The following PUM3 variants were observed in gnomAD, a reference collection of about 807,000 sequenced individuals.
PUM3 encodes the protein pumilio RNA binding family member 3.
In PUM3, 91 loss-of-function variants were observed where a neutral mutation model predicts 84.0. The ratio of observed to expected loss-of-function variants is 1.08; its 90% CI spans 0.91 to 1.29. The LOEUF (loss-of-function observed/expected upper bound fraction) is 1.29, where lower values mean the gene tolerates loss of function less well. Among genes scored for constraint, PUM3 ranks in the 50% most tolerant of loss-of-function variants. The probability of loss-of-function intolerance (pLI) is 0.00; values close to 1 mark genes in which losing one functional copy is unlikely to be tolerated. For synonymous variants in PUM3, 321 were observed against 266.7 expected (o/e 1.20, Z -1.98); for missense variants, 1,067 against 767.5 (o/e 1.39, Z -4.61).
intron 16 of PUM3, 83 bp from the exon 17 acceptor site, chr9:2,807,987 C>G: frequency 1.2e-6 from 1 of 826,154 alleles, no homozygotes; most frequent in East Asian, 2.7e-5. Context: ...CTTAAATCTG[C>G]AAATATTTTT....
At chr9:2,842,994 TC>T (rs1816308790) in intron 1 of PUM3, among the ~76,000 whole-genome samples, 1 of 152,164 alleles carries the variant, frequency 6.6e-6, no homozygotes, top group Non-Finnish European at 1.5e-5. Flanking sequence ...CTCTTAAATG[TC>T]CCTTACGTCA....
chr9:2,838,274 T>C (rs1169409679), intron 2 of PUM3, 152 bp downstream of exon 2: 5 of 606,016 alleles, frequency 8.3e-6, no homozygotes, highest in Admixed American at 5.3e-5. Flanking sequence ...CTAAATGTCA[T>C]GAGCAACATG....
chr9:2,829,669 C>G, intron 8 of PUM3, 105 bp downstream of exon 8: 1 of 963,882 alleles, frequency 1.0e-6, no homozygotes, highest in Non-Finnish European at 1.5e-6. Flanking sequence ...TCTTAAAGAA[C>G]CAGCCACAGT....
chr9:2,823,876 A>G, intron 11 of PUM3, 42 bp from the exon 12 acceptor site: 1 of 1,040,436 alleles, frequency 9.6e-7, no homozygotes, highest in African/African-American at 1.6e-5. Context: ...TCAGTTATGT[A>G]TTAAGGGTAT....
At chr9:2,839,415 G>A in intron 1 of PUM3, among the ~76,000 whole-genome samples, 1 of 152,216 alleles carries the variant, frequency 6.6e-6, no homozygotes. Flanking sequence ...TAAGAGAAAA[G>A]AAGGGTTCTG....
At chr9:2,831,873 C>T (rs996213768) in intron 5 of PUM3, among the ~76,000 whole-genome samples, 1 of 152,184 alleles carries the variant, frequency 6.6e-6, no homozygotes, top group Non-Finnish European at 1.5e-5. Context: ...CCATTTGTCA[C>T]ATTTTCATTA....
intron 10 of PUM3, among the ~76,000 whole-genome samples, chr9:2,826,611 G>C (rs1279818169): frequency 6.6e-6 from 1 of 152,122 alleles, no homozygotes; most frequent in Non-Finnish European, 1.5e-5. Flanking sequence ...CTGACTTGAA[G>C]GGCAGTGCAA....
At chr9:2,814,525 T>C (rs1174578897) in intron 13 of PUM3, among the ~76,000 whole-genome samples, 2 of 152,196 alleles carry the variant, frequency 1.3e-5, no homozygotes, top group East Asian at 3.9e-4. Context: ...TATGTGTTGC[T>C]GATAATGAAG....
rs116375714 is a variant in PUM3 at position 2,812,859 on chromosome 9, G to C, written c.1270-497C>G. 5.9e-3 allele frequency among the ~76,000 whole-genome samples: 899 copies of C among 152,302 alleles called. 12 individuals carry two copies. Among genetic ancestry groups the C allele is most frequent in the African/African-American group, 0.021 (853 of 41,564 alleles). On this transcript the variant is annotated intron_variant, in intron 13 of 17. Transcript: ENST00000397885. Reference sequence around the variant, plus strand: ...GCCACTATTACTAGGGACATCACTTGCTGAGGTCACTGAGTAGAGGCAGTT... The same window carrying C: ...GCCACTATTACTAGGGACATCACTTCCTGAGGTCACTGAGTAGAGGCAGTT...
chr9:2,837,344 T>A lies in PUM3; in HGVS notation c.140A>T (p.Lys47Ile), dbSNP rs561872127. Residue 47 changes from lysine to isoleucine, a missense_variant, in exon 3 of 18, where the codon AAA (lysine) becomes ATA (isoleucine). Physicochemically the swap from Lys to Ile is moderately radical, Grantham distance 102. Transcript: ENST00000397885. ...TTTCTCAAAGTTCCTAGATGTGACT[T>A]TAGGTCCACCTTCTTTAGCAACTTT... Reference protein sequence around the residue: ...TRKVAKEGGPKVTSRNFEKSI... With the variant: ...TRKVAKEGGPIVTSRNFEKSI... 3.1e-6 allele frequency: 5 copies of A among 1,614,086 alleles called. No individual in the cohort carries two copies. The highest frequency in any genetic ancestry group is 2.2e-5 in the South Asian group (2 of 91,080).
At chr9:2,828,233 G>C (rs1167459433) in intron 9 of PUM3, among the ~76,000 whole-genome samples, 1 of 152,050 alleles carries the variant, frequency 6.6e-6, no homozygotes, top group Non-Finnish European at 1.5e-5. Context: ...CGTAGAGATG[G>C]GGTCTTGCTA....
chr9:2,834,136 T>C lies in PUM3; in HGVS notation c.335A>G (p.Asp112Gly). ...CAGTTCTTTCTTCTTCTTTTTGAAG[T>C]CATCCCATTTGGGCTTCTTGGCTGC... is the stretch of plus-strand genomic sequence containing the variant. ...ESAAKKPKWD[D>G]FKKKKKELKQ... The change falls in exon 4 of 18, where the codon GAC becomes GGC. Residue 112 changes from aspartate (D) to glycine (G), a missense_variant. Physicochemically the swap from Asp to Gly is moderately conservative, Grantham distance 94. Transcript: ENST00000397885. The C allele has an allele frequency of 6.2e-7, 1 of 1,613,462 alleles. No homozygotes were observed. Among genetic ancestry groups the C allele is most frequent in the Non-Finnish European group, 8.5e-7 (1 of 1,179,664 alleles).
intron 13 of PUM3, among the ~76,000 whole-genome samples, chr9:2,815,031 A>T (rs1821444121): frequency 6.6e-6 from 1 of 152,228 alleles, no homozygotes; most frequent in South Asian, 2.1e-4. Flanking sequence ...CTGGGACTTC[A>T]TGATATGCAT....
Position 2,833,444 on chromosome 9 carries a change from G to A in PUM3, c.441-12C>T. 6.9e-7 allele frequency: 1 copy of A among 1,450,944 alleles called. No individual in the cohort carries two copies. Among genetic ancestry groups the A allele is most frequent in the South Asian group, 1.2e-5 (1 of 85,148 alleles). The allele number at this position is 1,450,944 out of a possible 1,614,324, so 89.9% of individuals were successfully genotyped here. A position where few individuals can be genotyped will look rare whatever the true frequency, so the allele number is the denominator to read the frequency against. ...TGTCACAGTCTTTTCTACAAATGAG[G>A]AGAGGAAGGAAACACAGTTGAAATA... is the stretch of plus-strand genomic sequence containing the variant. On this transcript the variant is annotated splice_polypyrimidine_tract_variant and intron_variant, in intron 4 of 17. Transcript: ENST00000397885.
chr9:2,839,806 A>AGTTTTCTCTGAATCCATACAG (rs1816222048), intron 1 of PUM3, among the ~76,000 whole-genome samples: 1 of 152,216 alleles, frequency 6.6e-6, no homozygotes, highest in Non-Finnish European at 1.5e-5. Flanking sequence ...GAATCCATTC[A>AGTTTTCTCTGAATCCATACAG]TTTACATGTT....
At chr9:2,815,675 CA>C (rs1747009437) in intron 13 of PUM3, among the ~76,000 whole-genome samples, 1 of 152,160 alleles carries the variant, frequency 6.6e-6, no homozygotes, top group South Asian at 2.1e-4. Flanking sequence ...ATATTAAAAA[CA>C]TACCTTTCAA....
At chr9:2,834,214 T>C in intron 3 of PUM3, 48 bp from the exon 4 acceptor site, 2 of 1,525,542 alleles carry the variant, frequency 1.3e-6, no homozygotes, top group Non-Finnish European at 9.0e-7. Flanking sequence ...ATTCTAAGTG[T>C]CATACACCAA....
chr9:2,830,484 C>G lies in PUM3; in HGVS notation c.677+478G>C, dbSNP rs374433086. Among the ~76,000 whole-genome samples the G allele has an allele frequency of 1.8e-4, 28 of 152,280 alleles. No individual in the cohort carries two copies. The East Asian group carries it at 2.3e-3, about 13-fold the overall frequency. ...TATCAGTTTACTCACCTGTCCCTCC[C>G]CAGTCTCCACCCTCTTAATACTGGT... On this transcript the variant is annotated intron_variant, in intron 7 of 17. Transcript: ENST00000397885.
intron 5 of PUM3, 91 bp from the exon 6 acceptor site, chr9:2,831,435 G>GA (rs1429979575): frequency 5.0e-6 from 4 of 800,452 alleles, no homozygotes; most frequent in Admixed American, 2.7e-5. Context: ...TTTCTTGTTA[G>GA]AAAAAAAGGT....
Sources: allele counts gnomAD v4.1 joint callset (sites outside exome capture counted in the v4.1 genomes callset), GRCh38; gene constraint gnomAD v4.1.1; transcripts MANE v1.5; gene names NCBI Gene and HGNC (gene_info 2026-07-23, HGNC 2026-07-21).